The following GOLGA8R variants were observed in gnomAD, a reference collection of about 807,000 sequenced individuals.
GOLGA8R encodes the protein golgin subfamily A member 8R.
A neutral mutation model predicts 21.4 loss-of-function variants in GOLGA8R; 6 were observed. The observed-to-expected ratio is 0.28, with a 90% CI of 0.15 to 0.55. The LOEUF (loss-of-function observed/expected upper bound fraction) is 0.55, where lower values mean the gene tolerates loss of function less well. Among genes scored for constraint, GOLGA8R ranks in the 20% least tolerant of loss-of-function variants. The pLI is 0.94. For missense variants in GOLGA8R, 41 were observed against 139.9 expected (o/e 0.29, Z 3.57); for synonymous variants, 8 against 49.3 (o/e 0.16, Z 3.51).
Position 30,400,746 on chromosome 15 carries a change from G to T in GOLGA8R, c.*2994C>A, listed in dbSNP as rs1357784226. Among the ~76,000 whole-genome samples, 10 of 47,998 alleles carry T rather than the reference G, an allele frequency of 2.1e-4. No individual in the cohort carries two copies. The highest frequency in any genetic ancestry group is 7.7e-4 in the Admixed American group (3 of 3,896). 31.5% of individuals were successfully genotyped at this position (47,998 alleles called of 152,430 possible). A position where few individuals can be genotyped will look rare whatever the true frequency, so the allele number is the denominator to read the frequency against. On this transcript the variant is annotated 3_prime_UTR_variant, in exon 19 of 19. Transcript: ENST00000327271. ...GACTGGAATTGGCATTTCTTTCTCT[G>T]CTTTTCGTTCCCACCATTTCTTTCT...
At chr15:30,411,915 C>T in intron 2 of GOLGA8R, 1 of 160,720 alleles carries the variant, frequency 6.2e-6, no homozygotes, top group Non-Finnish European at 1.2e-5. Flanking sequence ...AGGATTCAAA[C>T]CCAGAATTCC....
chr15:30,407,978 C>T lies in GOLGA8R; in HGVS notation c.801G>A (p.Lys267=). Residue 267 remains lysine (K), a synonymous_variant, in exon 11 of 19, where the codon AAG becomes AAA. Transcript: ENST00000327271. ...SKMSQEICTL[K]KEKQDMRWVE... is the part of the protein sequence containing the mutation. ...CCCAACGCATATCCTGCTTCTCTTTCTTTAATGTGCAAATCTGCCCAAAGC... is the reference window on the plus strand; with the variant it reads ...CCCAACGCATATCCTGCTTCTCTTTTTTTAATGTGCAAATCTGCCCAAAGC... 1 of 1,611,852 alleles carries T rather than the reference C, an allele frequency of 6.2e-7. No individual in the cohort carries two copies. Among genetic ancestry groups the T allele is most frequent in the South Asian group, 1.1e-5 (1 of 91,028 alleles).
At position 30,407,919 on chromosome 15, in the gene GOLGA8R, T is replaced by C. The variant is rs1183105059; in HGVS notation, c.860A>G (p.Lys287Arg). Residue 287 changes from lysine (K) to arginine (R), a missense_variant, in exon 11 of 19, where the codon AAA (lysine) becomes AGA (arginine). Physicochemically the swap from Lys to Arg is conservative, Grantham distance 26. Around this residue, in one of 3 missense-constraint regions of GOLGA8R, gnomAD observed 38 missense variants for 32.6 expected, o/e 1.17. Coordinates refer to ENST00000327271, the MANE Select transcript of GOLGA8R (RefSeq NM_001282484.1). ...CAGCCCCATCTTACCCGTCTGGTTT[T>C]TGAGTTTGGACAAGCTCCACTCCAG... The part of the protein sequence containing the change: ...EQLEWSLSKL[K>R]NQTAEPLPPE... 7 of 1,610,862 alleles carry C rather than the reference T, an allele frequency of 4.3e-6. No homozygotes were observed. In the South Asian group the frequency reaches 4.4e-5, roughly 10 times the overall value.
Position 30,407,888 on chromosome 15 carries a change from T to A in GOLGA8R, c.871+20A>T, listed in dbSNP as rs1263002215. ...CTCTGATGCCAGTCCTGCTCCCAGG[T>A]CATGCCAGCCCCATCTTACCCGTCT... On this transcript the variant is annotated intron_variant, in intron 11 of 18. Coordinates refer to ENST00000327271, the MANE Select transcript of GOLGA8R (RefSeq NM_001282484.1). 1 of 1,611,306 alleles carries A rather than the reference T, an allele frequency of 6.2e-7. No homozygotes were observed. The highest frequency in any genetic ancestry group is 1.3e-5 in the African/African-American group (1 of 74,828).
At position 30,407,936 on chromosome 15, in the gene GOLGA8R, C is replaced by T. The variant is rs1391803635; in HGVS notation, c.843G>A (p.Trp281Ter). 6.2e-7 allele frequency: 1 copy of T among 1,610,248 alleles called. No homozygotes were observed. The highest frequency in any genetic ancestry group is 1.7e-5 in the Admixed American group (1 of 59,982). Residue 281 changes from tryptophan (W) to a stop codon, truncating the protein, a stop_gained, in exon 11 of 19, where the codon TGG becomes TGA. Coordinates refer to ENST00000327271, the MANE Select transcript of GOLGA8R (RefSeq NM_001282484.1). LOFTEE classifies it high-confidence loss of function. ...TCTGGTTTTTGAGTTTGGACAAGCT[C>T]CACTCCAGCTGCTCTACCCAACGCA... ...QDMRWVEQLE[W>*]SLSKLKNQTA... is the part of the protein sequence containing the mutation.
In GOLGA8R at chr15:30,407,975, T is replaced by A; in HGVS notation, c.804A>T (p.Lys268Asn). 1 of 1,610,986 alleles carries A rather than the reference T, an allele frequency of 6.2e-7. No homozygotes were observed. The highest frequency in any genetic ancestry group is 2.2e-5 in the East Asian group (1 of 44,876). The change falls in exon 11 of 19, where the codon AAA becomes AAT. Residue 268 changes from lysine to asparagine, a missense_variant. By Grantham distance (94) the Lys-to-Asn change is moderately conservative (BLOSUM62 0). Transcript: ENST00000327271. ...KMSQEICTLKKEKQDMRWVEQ... is the reference protein window; with the variant it reads ...KMSQEICTLKNEKQDMRWVEQ... ...CTACCCAACGCATATCCTGCTTCTC[T>A]TTCTTTAATGTGCAAATCTGCCCAA...
chr15:30,408,283 A>G lies in GOLGA8R; in HGVS notation c.691T>C (p.Phe231Leu), dbSNP rs1462013927. 1 of 756,264 alleles carries G rather than the reference A, an allele frequency of 1.3e-6. No individual in the cohort carries two copies. The highest frequency in any genetic ancestry group is 2.1e-6 in the Non-Finnish European group (1 of 470,636). The allele number at this position is 756,264 out of a possible 1,614,324, so 46.8% of individuals were successfully genotyped here. ...KAQLTQLKES[F>L]QQLQLERDEC... ...TCTCTTTCTAATTGGAGTTGTTGAA[A>G]TGACTCCTTCAACTGCAAGAATGGG... is the stretch of plus-strand genomic sequence containing the variant. The change falls in exon 10 of 19, where the codon TTT (phenylalanine) becomes CTT (leucine). Residue 231 changes from phenylalanine to leucine, a missense_variant. Physicochemically the swap from Phe to Leu is conservative, Grantham distance 22. Coordinates refer to ENST00000327271, the MANE Select transcript of GOLGA8R (RefSeq NM_001282484.1).
chr15:30,407,947 G>T lies in GOLGA8R; in HGVS notation c.832C>A (p.Gln278Lys), dbSNP rs560193139. The change falls in exon 11 of 19, where the codon CAG becomes AAG. Residue 278 changes from glutamine (Q) to lysine (K), a missense_variant. By Grantham distance (53) the Gln-to-Lys change is moderately conservative. Around this residue, in one of 3 missense-constraint regions of GOLGA8R, gnomAD observed 38 missense variants for 32.6 expected, o/e 1.17. Transcript: ENST00000327271. ...AGTTTGGACAAGCTCCACTCCAGCTGCTCTACCCAACGCATATCCTGCTTC... is the reference window on the plus strand; with the variant it reads ...AGTTTGGACAAGCTCCACTCCAGCTTCTCTACCCAACGCATATCCTGCTTC... The part of the protein sequence containing the change: ...KEKQDMRWVE[Q>K]LEWSLSKLKN... The T allele has an allele frequency of 4.4e-6, 7 of 1,607,062 alleles. No individual in the cohort carries two copies. The highest frequency in any genetic ancestry group is 2.2e-5 in the East Asian group (1 of 44,848).
chr15:30,402,888 C>G lies in GOLGA8R; in HGVS notation c.*852G>C, dbSNP rs2059054350. On this transcript the variant is annotated 3_prime_UTR_variant, in exon 19 of 19. Transcript: ENST00000327271. ...AGGAAAGGTTTTCCACATCCACAGT[C>G]AACGATGGGAACCTTTCATTCCTCA... 1.7e-5 allele frequency among the ~76,000 whole-genome samples: 2 copies of G among 116,222 alleles called. No individual in the cohort carries two copies. Among genetic ancestry groups the G allele is most frequent in the East Asian group, 2.5e-4 (1 of 4,030 alleles). 76.2% of individuals were successfully genotyped at this position (116,222 alleles called of 152,430 possible). A position where few individuals can be genotyped will look rare whatever the true frequency, so the allele number is the denominator to read the frequency against.
chr15:30,409,156 C>T (rs2059112367), intron 8 of GOLGA8R, among the ~76,000 whole-genome samples: 1 of 8,976 alleles, frequency 1.1e-4, no homozygotes, highest in Non-Finnish European at 9.4e-4. Flanking sequence ...TGTACACACA[C>T]ACACACACAC....
intron 15 of GOLGA8R, among the ~76,000 whole-genome samples, chr15:30,404,741 GGCCAC>G (rs2059070077): frequency 8.5e-6 from 1 of 117,348 alleles, no homozygotes; most frequent in African/African-American, 2.7e-5. Context: ...TCTGGGCCGA[GGCCAC>G]CGGGTGAGCC....
At position 30,403,073 on chromosome 15, in the gene GOLGA8R, C is replaced by T. The variant is rs1224733686; in HGVS notation, c.*667G>A. Among the ~76,000 whole-genome samples, 45 of 129,444 alleles carry T rather than the reference C, an allele frequency of 3.5e-4. 6 individuals carry two copies. Among genetic ancestry groups the T allele is most frequent in the African/African-American group, 1.1e-3 (36 of 33,852 alleles). 84.9% of individuals were successfully genotyped at this position (129,444 alleles called of 152,430 possible). A position where few individuals can be genotyped will look rare whatever the true frequency, so the allele number is the denominator to read the frequency against. The stretch of plus-strand genomic sequence containing the variant: ...CAGATGAAACACACTCTATCCTGCA[C>T]GTACCTGCCAGAGGAGGCCACTTTC... On this transcript the variant is annotated 3_prime_UTR_variant, in exon 19 of 19. Transcript: ENST00000327271.
Position 30,402,903 on chromosome 15 carries a change from T to G in GOLGA8R, c.*837A>C, listed in dbSNP as rs1595522756. On this transcript the variant is annotated 3_prime_UTR_variant, in exon 19 of 19. Coordinates refer to ENST00000327271, the MANE Select transcript of GOLGA8R (RefSeq NM_001282484.1). ...CATCCACAGTCAACGATGGGAACCTTTCATTCCTCAGAAATAAGCCCTTTT... is the reference window on the plus strand; with the variant it reads ...CATCCACAGTCAACGATGGGAACCTGTCATTCCTCAGAAATAAGCCCTTTT... 1.7e-5 allele frequency among the ~76,000 whole-genome samples: 2 copies of G among 119,984 alleles called. No homozygotes were observed. Among genetic ancestry groups the G allele is most frequent in the South Asian group, 6.6e-4 (2 of 3,050 alleles). 78.7% of individuals were successfully genotyped at this position (119,984 alleles called of 152,430 possible).
rs1036871864 is a variant in GOLGA8R, at chr15:30,403,022, T to C, written c.*718A>G. Among the ~76,000 whole-genome samples, 1 of 130,432 alleles carries C rather than the reference T, an allele frequency of 7.7e-6. No homozygotes were observed. Among genetic ancestry groups the C allele is most frequent in the African/African-American group, 2.9e-5 (1 of 33,930 alleles). 85.6% of individuals were successfully genotyped at this position (130,432 alleles called of 152,430 possible). On this transcript the variant is annotated 3_prime_UTR_variant, in exon 19 of 19. Transcript: ENST00000327271. ...ACAAATCCTAAGGGAACCACCATAA[T>C]ACACTGCTAATTCCTGGCACCGGAA...
rs753430957 is a variant in GOLGA8R at position 30,407,908 on chromosome 15, C to G, written c.871G>C (p.Ala291Pro). ...WSLSKLKNQT[A>P]EPLPPEPPAV... is the part of the protein sequence containing the mutation. Reference sequence around the variant, plus strand: ...CCAGGTCATGCCAGCCCCATCTTACCCGTCTGGTTTTTGAGTTTGGACAAG... The same window carrying G: ...CCAGGTCATGCCAGCCCCATCTTACGCGTCTGGTTTTTGAGTTTGGACAAG... The change falls in exon 11 of 19, where the codon GCT (alanine) becomes CCT (proline). Residue 291 changes from alanine (A) to proline (P), a missense_variant and splice_region_variant. Transcript: ENST00000327271. The G allele has an allele frequency of 6.2e-7, 1 of 1,611,876 alleles. No homozygotes were observed. The highest frequency in any genetic ancestry group is 8.5e-7 in the Non-Finnish European group (1 of 1,178,078).
In GOLGA8R at chr15:30,408,257, A is replaced by G. The variant is rs2059105955; in HGVS notation, c.717T>C (p.Asp239=). The change falls in exon 10 of 19, where the codon GAT becomes GAC. Residue 239 remains aspartate (D), a synonymous_variant. Coordinates refer to ENST00000327271, the MANE Select transcript of GOLGA8R (RefSeq NM_001282484.1). ...ESFQQLQLER[D]ECAEHIEGER... is the part of the protein sequence containing the mutation. The stretch of plus-strand genomic sequence containing the variant: ...CTCCTTCTATATGTTCAGCACACTC[A>G]TCTCTTTCTAATTGGAGTTGTTGAA... 1 of 784,392 alleles carries G rather than the reference A, an allele frequency of 1.3e-6. No homozygotes were observed. Among genetic ancestry groups the G allele is most frequent in the African/African-American group, 1.7e-5 (1 of 57,458 alleles). 48.6% of individuals were successfully genotyped at this position (784,392 alleles called of 1,614,324 possible).
At chr15:30,406,532 A>AT (rs1309808105) in intron 13 of GOLGA8R, among the ~76,000 whole-genome samples, 2 of 132 alleles carry the variant, frequency 0.015, 1 homozygote, top group African/African-American at 0.016. Context: ...TGCCCTGCTA[A>AT]TTTTTTTTTT....
chr15:30,402,909 C>A lies in GOLGA8R; in HGVS notation c.*831G>T, dbSNP rs1446729323. On this transcript the variant is annotated 3_prime_UTR_variant, in exon 19 of 19. Transcript: ENST00000327271. ...CAGTCAACGATGGGAACCTTTCATT[C>A]CTCAGAAATAAGCCCTTTTTAGGTC... Among the ~76,000 whole-genome samples, 3 of 121,282 alleles carry A rather than the reference C, an allele frequency of 2.5e-5. 1 individual carries two copies. The highest frequency in any genetic ancestry group is 5.3e-5 in the Non-Finnish European group (3 of 56,608). The allele number at this position is 121,282 out of a possible 152,430, so 79.6% of individuals were successfully genotyped here. A position where few individuals can be genotyped will look rare whatever the true frequency, so the allele number is the denominator to read the frequency against.
intron 11 of GOLGA8R, 108 bp downstream of exon 11, chr15:30,407,800 C>T: frequency 1.3e-6 from 2 of 1,585,224 alleles, no homozygotes; most frequent in African/African-American, 1.3e-5. Context: ...ATCTCTTTCC[C>T]TCTGCCTCAA....
Sources: allele counts gnomAD v4.1 joint callset (sites outside exome capture counted in the v4.1 genomes callset), GRCh38; gene constraint gnomAD v4.1.1; regional missense constraint gnomAD v4.1.1; transcripts MANE v1.5; gene names NCBI Gene and HGNC (gene_info 2026-07-23, HGNC 2026-07-21).